Variants in RTF2 observed in about 807,000 individuals in gnomAD.
RTF2 encodes the protein UPF0549 protein C20orf43.
Under a neutral mutation model 38.0 loss-of-function variants are expected in RTF2, and 18 were observed. The observed-to-expected ratio is 0.47, with a 90% CI of 0.33 to 0.70. The LOEUF (loss-of-function observed/expected upper bound fraction) is 0.70. Among genes scored for constraint, RTF2 ranks in the 30% least tolerant of loss-of-function variants. The pLI, the probability that RTF2 is intolerant of heterozygous loss-of-function variation, is 0.02. For synonymous variants in RTF2, 126 were observed against 137.1 expected, an observed-to-expected ratio of 0.92 and a Z score of 0.57; for missense variants, 311 against 379.6, an observed-to-expected ratio of 0.82 and a Z score of 1.50.
intron 5 of RTF2, among the ~76,000 whole-genome samples, chr20:56,491,085 T>G (rs1056603764): frequency 6.6e-6 from 1 of 152,228 alleles, no homozygotes; most frequent in Non-Finnish European, 1.5e-5. Context: ...AAATACACTC[T>G]TCATTATTTT....
chr20:56,489,310 C>T lies in RTF2; in HGVS notation c.477+5121C>T, dbSNP rs139517185. On this transcript the variant is annotated intron_variant, in intron 5 of 8. Coordinates refer to ENST00000357348, the MANE Select transcript of RTF2 (RefSeq NM_016407.5). The stretch of plus-strand genomic sequence containing the variant: ...GAAACTCCTGACCTCGTGATCCACC[C>T]GCCTCAGCCTTCCAAAGTGCTGGGA... Among the ~76,000 whole-genome samples the T allele has an allele frequency of 9.9e-5, 15 of 151,980 alleles. No homozygotes were observed. In the East Asian group the frequency reaches 1.4e-3, roughly 14 times the overall value.
intron 5 of RTF2, chr20:56,496,787 G>GTT (rs999277192): frequency 1.3e-6 from 2 of 1,552,094 alleles, no homozygotes; most frequent in Admixed American, 3.9e-5. Context: ...CAAAATAAAT[G>GTT]GTTAAGTTAT....
Position 56,518,282 on chromosome 20 carries a change from G to A in RTF2, c.*17G>A, listed in dbSNP as rs374171522. 130 of 1,602,252 alleles carry A rather than the reference G, an allele frequency of 8.1e-5. No individual in the cohort carries two copies. Among genetic ancestry groups the A allele is most frequent in the South Asian group, 6.8e-4 (61 of 89,468 alleles). ...TGCTTCTGAAGCCCGCACTGCCACC[G>A]CTCCTGCCCCAGAAGGTTGTTTAGT... On this transcript the variant is annotated 3_prime_UTR_variant, in exon 9 of 9. Coordinates refer to ENST00000357348, the MANE Select transcript of RTF2 (RefSeq NM_016407.5).
At chr20:56,496,973 T>G in intron 5 of RTF2, 1 of 1,551,870 alleles carries the variant, frequency 6.4e-7, no homozygotes, top group Non-Finnish European at 8.7e-7. Flanking sequence ...CTCTGTTGGT[T>G]TTGATGGGAA....
chr20:56,501,817 G>A (rs948043527), intron 5 of RTF2, among the ~76,000 whole-genome samples: 4 of 152,130 alleles, frequency 2.6e-5, no homozygotes, highest in East Asian at 1.9e-4. Context: ...GTAGTGAGCC[G>A]TGATCATGCC....
chr20:56,518,068 TG>T lies in RTF2; in HGVS notation c.743-17del, dbSNP rs572531306. ...ATCTTTATCCCAACCCTGACAGTTT[TG>T]GCTCTTCATTTTTCTAGCAATGAAT... On this transcript the variant is annotated intron_variant, in intron 8 of 8. Coordinates refer to ENST00000357348, the MANE Select transcript of RTF2 (RefSeq NM_016407.5). 746 of 1,598,352 alleles carry T rather than the reference TG, an allele frequency of 4.7e-4. 4 individuals carry two copies. Among genetic ancestry groups the T allele is most frequent in the Admixed American group, 1.9e-3 (105 of 56,532 alleles).
Position 56,518,473 on chromosome 20 carries a change from C to T in RTF2, c.*208C>T, listed in dbSNP as rs528377680. On this transcript the variant is annotated 3_prime_UTR_variant, in exon 9 of 9. Transcript: ENST00000357348. ...ACATGGGAGGGGCTGCACAGTGGCC[C>T]GAGGTCATGCTTGCTTCCACCTGCA... 60 of 461,200 alleles carry T rather than the reference C, an allele frequency of 1.3e-4. No individual in the cohort carries two copies. Among genetic ancestry groups the T allele is most frequent in the South Asian group, 6.8e-4 (14 of 20,472 alleles). The allele number at this position is 461,200 out of a possible 1,614,324, so 28.6% of individuals were successfully genotyped here. A position where few individuals can be genotyped will look rare whatever the true frequency, so the allele number is the denominator to read the frequency against.
At chr20:56,504,707 G>A (rs905772449) in intron 5 of RTF2, among the ~76,000 whole-genome samples, 4 of 152,042 alleles carry the variant, frequency 2.6e-5, no homozygotes, top group African/African-American at 9.7e-5. Flanking sequence ...GGTTTTAAAG[G>A]TTCTCTGCTT....
intron 3 of RTF2, 65 bp from the exon 4 acceptor site, chr20:56,476,920 G>A (rs1456765036): frequency 1.8e-5 from 27 of 1,524,046 alleles, no homozygotes; most frequent in African/African-American, 2.8e-5. Context: ...GTTGACTTAC[G>A]TGGTTAAGGC....
Position 56,518,411 on chromosome 20 carries a change from GC to G in RTF2, c.*148del. 1 of 786,438 alleles carries G rather than the reference GC, an allele frequency of 1.3e-6. No homozygotes were observed. The highest frequency in any genetic ancestry group is 1.9e-6 in the Non-Finnish European group (1 of 514,010). 48.7% of individuals were successfully genotyped at this position (786,438 alleles called of 1,614,324 possible). A position where few individuals can be genotyped will look rare whatever the true frequency, so the allele number is the denominator to read the frequency against. ...CCTGGCCAGCCTTCAAGCTGGTGTGGCCACTCTTGATGTGAGGCGTGTCGGT... is the reference window on the plus strand; with the variant it reads ...CCTGGCCAGCCTTCAAGCTGGTGTGGCACTCTTGATGTGAGGCGTGTCGGT... On this transcript the variant is annotated 3_prime_UTR_variant, in exon 9 of 9. Transcript: ENST00000357348.
intron 5 of RTF2, 53 bp downstream of exon 5, chr20:56,484,242 A>T: frequency 7.0e-7 from 1 of 1,424,998 alleles, no homozygotes; most frequent in South Asian, 1.1e-5. Context: ...AGGAAATCAG[A>T]TGGTTTAGGG....
intron 3 of RTF2, among the ~76,000 whole-genome samples, chr20:56,475,023 T>G (rs1468284709): frequency 1.3e-5 from 2 of 152,246 alleles, no homozygotes; most frequent in African/African-American, 4.8e-5. Flanking sequence ...ATGTTCTCTA[T>G]TAATGTTAGG....
At chr20:56,508,785 T>C (rs551053937) in intron 5 of RTF2, among the ~76,000 whole-genome samples, 26 of 152,318 alleles carry the variant, frequency 1.7e-4, no homozygotes, top group African/African-American at 6.0e-4. Flanking sequence ...GAATAGTTTT[T>C]TCAACAAATA....
chr20:56,514,681 A>G lies in RTF2; in HGVS notation c.591+1253A>G, dbSNP rs139768393. ...TTGAGCACATGGTAGCAGTATTACCATTATGCATGGATCCAGAATGATCAG... is the reference window on the plus strand; with the variant it reads ...TTGAGCACATGGTAGCAGTATTACCGTTATGCATGGATCCAGAATGATCAG... On this transcript the variant is annotated intron_variant, in intron 6 of 8. Transcript: ENST00000357348. Among the ~76,000 whole-genome samples the G allele has an allele frequency of 4.3e-3, 658 of 152,314 alleles. 5 individuals are homozygous for G. Among genetic ancestry groups the G allele is most frequent in the African/African-American group, 0.014 (589 of 41,572 alleles).
At chr20:56,509,164 A>G (rs1365042726) in intron 5 of RTF2, among the ~76,000 whole-genome samples, 2 of 152,238 alleles carry the variant, frequency 1.3e-5, no homozygotes, top group East Asian at 1.9e-4. Flanking sequence ...TAATACAATT[A>G]AGAAATGGAC....
intron 5 of RTF2, chr20:56,491,344 C>T: frequency 1.8e-6 from 1 of 557,974 alleles, no homozygotes; most frequent in Non-Finnish European, 3.2e-6. Context: ...TATATGTCAC[C>T]AGTGGTAGCT....
chr20:56,478,559 C>T (rs1237685940), intron 4 of RTF2, among the ~76,000 whole-genome samples: 2 of 152,158 alleles, frequency 1.3e-5, no homozygotes, highest in Non-Finnish European at 2.9e-5. Flanking sequence ...TGTCTAAAAA[C>T]AAAGTACCTA....
chr20:56,486,830 G>A (rs1031927729), intron 5 of RTF2, among the ~76,000 whole-genome samples: 2 of 152,094 alleles, frequency 1.3e-5, no homozygotes, highest in Non-Finnish European at 2.9e-5. Flanking sequence ...GGAAAGAAAG[G>A]CAGCAGCAGT....
At position 56,468,718 on chromosome 20, in the gene RTF2, A is replaced by G; in HGVS notation, c.21A>G (p.Thr7=). The G allele has an allele frequency of 1.9e-6, 3 of 1,588,492 alleles. No individual in the cohort carries two copies. Among genetic ancestry groups the G allele is most frequent in the Non-Finnish European group, 2.6e-6 (3 of 1,167,572 alleles). MGCDGG[T]IPKRHELVKG... Reference sequence around the variant, plus strand: ...CTGCGATGGGTTGCGACGGGGGAACAATCCCCAAGAGGCATGAACTGGTGA... The same window carrying G: ...CTGCGATGGGTTGCGACGGGGGAACGATCCCCAAGAGGCATGAACTGGTGA... Residue 7 remains threonine (T), a synonymous_variant, in exon 1 of 9, where the codon ACA becomes ACG. Coordinates refer to ENST00000357348, the MANE Select transcript of RTF2 (RefSeq NM_016407.5).
Sources: allele counts gnomAD v4.1 joint callset (sites outside exome capture counted in the v4.1 genomes callset), GRCh38; gene constraint gnomAD v4.1.1; transcripts MANE v1.5; gene names NCBI Gene and HGNC (gene_info 2026-07-23, HGNC 2026-07-21).